Variants in CNNM1 observed in about 807,000 individuals in gnomAD.
The protein encoded by CNNM1 is metal transporter CNNM1.
A neutral mutation model predicts 78.8 loss-of-function variants in CNNM1; 44 were observed. That is an observed-to-expected ratio of 0.56 (90% CI 0.44 to 0.72). The LOEUF (loss-of-function observed/expected upper bound fraction) is 0.72. Among genes scored for constraint, CNNM1 ranks in the 30% least tolerant of loss-of-function variants. The pLI is 0.00. For missense variants in CNNM1, 1,101 were observed against 1,292.2 expected (o/e 0.85, Z 2.27); for synonymous variants, 584 against 581.5 (o/e 1.00, Z -0.06).
At chr10:99,380,062 T>C (rs1023239579) in intron 7 of CNNM1, among the ~76,000 whole-genome samples, 16 of 148,516 alleles carry the variant, frequency 1.1e-4, no homozygotes, top group African/African-American at 4.0e-4. Context: ...CTCACTGGGT[T>C]GACTAGGCTG....
In CNNM1 at chr10:99,360,961, G is replaced by C; in HGVS notation, c.1844G>C (p.Arg615Pro). Reference sequence around the variant, plus strand: ...CCACAGCTTCTGCTAGCCACACACCGCTTCATGGCCACAGGTAGGACAAGT... The same window carrying C: ...CCACAGCTTCTGCTAGCCACACACCCCTTCATGGCCACAGGTAGGACAAGT... ...ISPQLLLATH[R>P]FMATEVEPFK... is the part of the protein sequence containing the mutation. The change falls in exon 3 of 11, where the codon CGC (arginine) becomes CCC (proline). Residue 615 changes from arginine (R) to proline (P), a missense_variant. Coordinates refer to ENST00000356713, the MANE Select transcript of CNNM1 (RefSeq NM_020348.3). The C allele has an allele frequency of 1.2e-6, 2 of 1,608,344 alleles. No homozygotes were observed. The highest frequency in any genetic ancestry group is 1.7e-6 in the Non-Finnish European group (2 of 1,175,974).
chr10:99,382,552 C>T (rs2032192516), intron 7 of CNNM1, among the ~76,000 whole-genome samples: 1 of 152,136 alleles, frequency 6.6e-6, no homozygotes, highest in African/African-American at 2.4e-5. Context: ...CACTTGAGGC[C>T]AGGAGTGTGA....
chr10:99,350,206 T>G (rs531136195), intron 1 of CNNM1, among the ~76,000 whole-genome samples: 1 of 152,256 alleles, frequency 6.6e-6, no homozygotes, highest in African/African-American at 2.4e-5. Flanking sequence ...CTCAATGCTG[T>G]CTACCAAATG....
chr10:99,335,017 C>A (rs2030109958), intron 1 of CNNM1, among the ~76,000 whole-genome samples: 1 of 152,238 alleles, frequency 6.6e-6, no homozygotes, highest in African/African-American at 2.4e-5. Context: ...AAAGCCTGTT[C>A]TTTCCCTGCT....
At chr10:99,369,118 C>T (rs2031722899) in intron 6 of CNNM1, among the ~76,000 whole-genome samples, 3 of 152,342 alleles carry the variant, frequency 2.0e-5, no homozygotes, top group South Asian at 4.1e-4. Context: ...CTCACTAGCT[C>T]TGCTCGTACA....
intron 6 of CNNM1, among the ~76,000 whole-genome samples, chr10:99,375,693 T>C (rs1396492322): frequency 6.6e-6 from 1 of 152,268 alleles, no homozygotes. Context: ...TATTTTGCTT[T>C]ATCTCAAGAG....
rs376121477 is a variant in CNNM1, at chr10:99,340,814, C to CTTTCT, written c.1573+9872_1573+9876dup. On this transcript the variant is annotated intron_variant, in intron 1 of 10. Coordinates refer to ENST00000356713, the MANE Select transcript of CNNM1 (RefSeq NM_020348.3). ...TTTCTTTCTTACTTTCTCTTTCTTT[C>CTTTCT]TTTCTTTTCTTTTCTTTTCTTTCTC... Among the ~76,000 whole-genome samples, 645 of 132,172 alleles carry CTTTCT rather than the reference C, an allele frequency of 4.9e-3. 7 individuals carry two copies. Among genetic ancestry groups the CTTTCT allele is most frequent in the African/African-American group, 0.016 (590 of 35,778 alleles). 86.7% of individuals were successfully genotyped at this position (132,172 alleles called of 152,430 possible). A position where few individuals can be genotyped will look rare whatever the true frequency, so the allele number is the denominator to read the frequency against.
intron 6 of CNNM1, among the ~76,000 whole-genome samples, chr10:99,368,116 G>A (rs2031684014): frequency 6.6e-6 from 1 of 152,200 alleles, no homozygotes; most frequent in Non-Finnish European, 1.5e-5. Context: ...TGAGCAGAGG[G>A]ATCTCCTAGG....
At chr10:99,347,224 T>G (rs1226788187) in intron 1 of CNNM1, among the ~76,000 whole-genome samples, 8 of 151,940 alleles carry the variant, frequency 5.3e-5, no homozygotes, top group Non-Finnish European at 1.0e-4. Flanking sequence ...TAGAGTTCCT[T>G]TTAAAATATA....
At chr10:99,369,001 G>T (rs1415893091) in intron 6 of CNNM1, among the ~76,000 whole-genome samples, 1 of 152,184 alleles carries the variant, frequency 6.6e-6, no homozygotes, top group Non-Finnish European at 1.5e-5. Flanking sequence ...CATGAATGAA[G>T]TAGGAATAGT....
At chr10:99,334,141 A>G (rs2030054148) in intron 1 of CNNM1, among the ~76,000 whole-genome samples, 2 of 152,222 alleles carry the variant, frequency 1.3e-5, no homozygotes, top group South Asian at 4.1e-4. Flanking sequence ...GGTGGCTCCT[A>G]TGTAACATTA....
intron 1 of CNNM1, among the ~76,000 whole-genome samples, chr10:99,345,115 C>T (rs1589890087): frequency 6.6e-6 from 1 of 152,240 alleles, no homozygotes; most frequent in Non-Finnish European, 1.5e-5. Flanking sequence ...TTGGATAAGT[C>T]ATTTTATTTT....
chr10:99,366,138 T>C (rs2031611133), intron 6 of CNNM1, among the ~76,000 whole-genome samples: 1 of 152,056 alleles, frequency 6.6e-6, no homozygotes. Context: ...GTGTGAAGAG[T>C]GGCAGAACTT....
intron 1 of CNNM1, among the ~76,000 whole-genome samples, chr10:99,353,922 G>C (rs2031037332): frequency 6.6e-6 from 1 of 152,134 alleles, no homozygotes. Context: ...TCAAAGTGTA[G>C]AGCAATGGTG....
Position 99,329,434 on chromosome 10 carries a change from G to C in CNNM1, c.47G>C (p.Arg16Pro). The change falls in exon 1 of 11, where the codon CGG (arginine) becomes CCG (proline). Residue 16 changes from arginine (R) to proline (P), a missense_variant. Arg to Pro is a moderately radical substitution (Grantham distance 103). This residue lies in a region of CNNM1 where 476 missense variants were observed against 484.5 expected (regional missense o/e 0.98). Coordinates refer to ENST00000356713, the MANE Select transcript of CNNM1 (RefSeq NM_020348.3). ...AAAAAVGVRLRDCCSRGAVLL... is the reference protein window; with the variant it reads ...AAAAAVGVRLPDCCSRGAVLL... ...GCAGCAGCGGTGGGTGTCAGGCTCC[G>C]GGACTGCTGCAGCCGAGGCGCTGTG... 1.7e-6 allele frequency: 2 copies of C among 1,194,742 alleles called. No homozygotes were observed. Among genetic ancestry groups the C allele is most frequent in the South Asian group, 1.5e-5 (1 of 67,360 alleles). The allele number at this position is 1,194,742 out of a possible 1,614,324, so 74.0% of individuals were successfully genotyped here.
intron 2 of CNNM1, among the ~76,000 whole-genome samples, chr10:99,358,736 G>C (rs531070992): frequency 6.6e-6 from 1 of 152,078 alleles, no homozygotes; most frequent in South Asian, 2.1e-4. Context: ...CATGAGGAAC[G>C]AGCTCGGAAA....
intron 5 of CNNM1, 123 bp from the exon 6 acceptor site, chr10:99,364,832 C>G (rs756201170): frequency 4.5e-6 from 4 of 880,708 alleles, no homozygotes; most frequent in Non-Finnish European, 7.0e-6. Flanking sequence ...CCTACCCTTC[C>G]ATTTAATTGC....
intron 5 of CNNM1, 57 bp downstream of exon 5, chr10:99,364,573 C>A: frequency 7.1e-7 from 1 of 1,403,788 alleles, no homozygotes; most frequent in Non-Finnish European, 9.8e-7. Context: ...AGAAAAAGCA[C>A]AGGGGTTCAA....
chr10:99,355,027 T>C (rs1483538153), intron 1 of CNNM1, among the ~76,000 whole-genome samples: 1 of 152,192 alleles, frequency 6.6e-6, no homozygotes, highest in Non-Finnish European at 1.5e-5. Flanking sequence ...CGATTTCGTT[T>C]CAGTTTAAAA....
Sources: gnomAD v4.1 joint callset for allele counts (sites outside exome capture counted in the v4.1 genomes callset) on GRCh38, gnomAD v4.1.1 for gene constraint, gnomAD v4.1.1 regional missense constraint, MANE v1.5 for transcripts, NCBI Gene and HGNC (gene_info 2026-07-23, HGNC 2026-07-21) for gene names.